The following PRKAG2 variants were observed in gnomAD, a reference collection of about 807,000 sequenced individuals.
PRKAG2 encodes 5'-AMP-activated protein kinase subunit gamma-2.
PRKAG2 carries 26 observed loss-of-function variants against 69.6 expected under a neutral mutation model. The observed-to-expected ratio is 0.37, with a 90% CI of 0.27 to 0.52. PRKAG2 has a LOEUF of 0.52. PRKAG2 is among the 20% of genes least tolerant of loss of function. PRKAG2 has a pLI of 0.90. For missense variants in PRKAG2, 557 were observed against 740.0 expected (o/e 0.75, Z 2.87); for synonymous variants, 293 against 285.0 (o/e 1.03, Z -0.28).
intron 1 of PRKAG2, among the ~76,000 whole-genome samples, chr7:151,845,113 C>G (rs760304626): frequency 6.6e-6 from 1 of 151,716 alleles, no homozygotes; most frequent in East Asian, 1.9e-4. Context: ...CACATCTCAA[C>G]CCCACAGTTC....
chr7:151,591,914 T>C (rs73727863), intron 6 of PRKAG2, among the ~76,000 whole-genome samples: 5,629 of 152,112 alleles, frequency 0.037, 338 homozygotes, highest in African/African-American at 0.13. Context: ...ACCAGGCCCT[T>C]ATAGAGACCA....
At chr7:151,741,467 C>G (rs970831923) in intron 3 of PRKAG2, among the ~76,000 whole-genome samples, 2 of 152,076 alleles carry the variant, frequency 1.3e-5, no homozygotes, top group African/African-American at 2.4e-5. Context: ...CACCTGAGGT[C>G]GGGAGTTCAA....
At chr7:151,770,177 C>T (rs1406239008) in intron 3 of PRKAG2, among the ~76,000 whole-genome samples, 11 of 152,256 alleles carry the variant, frequency 7.2e-5, no homozygotes, top group Non-Finnish European at 1.6e-4. Context: ...TTTGCAGGTT[C>T]GACACAACCG....
Position 151,719,282 on chromosome 7 carries a change from A to C in PRKAG2, c.467-43645T>G, listed in dbSNP as rs933193024. 6.6e-6 allele frequency among the ~76,000 whole-genome samples: 1 copy of C among 152,060 alleles called. No homozygotes were observed. Among genetic ancestry groups the C allele is most frequent in the African/African-American group, 2.4e-5 (1 of 41,404 alleles). On this transcript the variant is annotated intron_variant, in intron 3 of 15. Transcript: ENST00000287878. The surrounding 1 kb of genome is among the most constrained non-coding windows in gnomAD (Gnocchi z 5.2). ...CCCCGGCACGCTCAGCCCTGGTCCA[A>C]CTTATCATACAAGTTCTTGGGCAAG... is the stretch of plus-strand genomic sequence containing the variant.
intron 3 of PRKAG2, among the ~76,000 whole-genome samples, chr7:151,754,019 G>A (rs1181826481): frequency 2.6e-5 from 4 of 151,952 alleles, no homozygotes; most frequent in South Asian, 2.1e-4. Flanking sequence ...ACCGCATCTC[G>A]AAAAAAAGAA....
intron 3 of PRKAG2, among the ~76,000 whole-genome samples, chr7:151,761,281 G>A (rs908081873): frequency 6.6e-6 from 1 of 152,194 alleles, no homozygotes; most frequent in Non-Finnish European, 1.5e-5. Context: ...GATTGAGAGA[G>A]GCCTGAATTC....
rs1348029131 is a variant in PRKAG2, at chr7:151,808,607, C to A, written c.115-22066G>T. ...TGCAGGTTGTTGGGGGGGCTTGAGGCTATCCGCTGACATCTTTTCTCCCCA... is the reference window on the plus strand; with the variant it reads ...TGCAGGTTGTTGGGGGGGCTTGAGGATATCCGCTGACATCTTTTCTCCCCA... On this transcript the variant is annotated intron_variant, in intron 1 of 15. Transcript: ENST00000287878. Among the ~76,000 whole-genome samples, 3 of 152,020 alleles carry A rather than the reference C, an allele frequency of 2.0e-5. No individual in the cohort carries two copies. In the South Asian group the frequency reaches 6.2e-4, roughly 31 times the overall value.
intron 15 of PRKAG2, chr7:151,559,572 G>C: frequency 1.0e-6 from 1 of 985,016 alleles, no homozygotes; most frequent in Non-Finnish European, 1.2e-6. Context: ...AATTTCTCTT[G>C]GTGTTCTCAT....
intron 3 of PRKAG2, among the ~76,000 whole-genome samples, chr7:151,717,282 G>A (rs1437459655): frequency 1.3e-5 from 2 of 151,610 alleles, no homozygotes; most frequent in Non-Finnish European, 2.9e-5. Context: ...GAAAGAGGTT[G>A]CCTTCATAAA....
intron 7 of PRKAG2, among the ~76,000 whole-genome samples, chr7:151,575,172 G>A (rs982370813): frequency 2.0e-5 from 3 of 152,186 alleles, no homozygotes; most frequent in South Asian, 2.1e-4. Context: ...TAAGTACTAC[G>A]GAACTAACCA....
rs1471327359 is a variant in PRKAG2, at chr7:151,568,761, A to T, written c.1188T>A (p.Leu396=). The change falls in exon 11 of 16, where the codon CTT becomes CTA. Residue 396 remains leucine (L), a synonymous_variant. Coordinates refer to ENST00000287878, the MANE Select transcript of PRKAG2 (RefSeq NM_016203.4). ...GGATTCTTTTGTGGGTAAGTATATA[A>T]AGTGCATTCCCACTGATAGGGTCAA... ...PVIDPISGNA[L]YILTHKRILK... The T allele has an allele frequency of 6.2e-7, 1 of 1,614,072 alleles. No individual in the cohort carries two copies. The highest frequency in any genetic ancestry group is 1.1e-5 in the South Asian group (1 of 91,088).
intron 6 of PRKAG2, among the ~76,000 whole-genome samples, chr7:151,581,553 C>T (rs1810473393): frequency 6.6e-6 from 1 of 152,078 alleles, no homozygotes; most frequent in African/African-American, 2.4e-5. Flanking sequence ...TGGACATCTA[C>T]ACACAAAAAT....
At chr7:151,561,925 T>C (rs1265771936) in intron 14 of PRKAG2, among the ~76,000 whole-genome samples, 1 of 115,112 alleles carries the variant, frequency 8.7e-6, no homozygotes, top group African/African-American at 3.8e-5. Flanking sequence ...AGAGCGAGAC[T>C]GTGTCTTAAA....
intron 6 of PRKAG2, among the ~76,000 whole-genome samples, chr7:151,592,688 T>C (rs570679715): frequency 6.6e-6 from 1 of 152,316 alleles, no homozygotes; most frequent in African/African-American, 2.4e-5. Flanking sequence ...TCCTAATCAA[T>C]GAATCAATGA....
At chr7:151,863,832 G>A (rs2079994751) in intron 1 of PRKAG2, among the ~76,000 whole-genome samples, 1 of 151,588 alleles carries the variant, frequency 6.6e-6, no homozygotes, top group African/African-American at 2.4e-5. Context: ...GATCGCTTGA[G>A]CTCAGGAGTT....
At chr7:151,772,164 G>A (rs1324392565) in intron 3 of PRKAG2, among the ~76,000 whole-genome samples, 1 of 152,220 alleles carries the variant, frequency 6.6e-6, no homozygotes, top group East Asian at 1.9e-4. Flanking sequence ...GGTGTCAAAG[G>A]AAGGCCTTTC....
intron 3 of PRKAG2, among the ~76,000 whole-genome samples, chr7:151,710,982 AT>A (rs1795206031): frequency 6.6e-6 from 1 of 152,082 alleles, no homozygotes; most frequent in African/African-American, 2.4e-5. Flanking sequence ...GCCCTAGAGT[AT>A]TGCGAGTGCT....
intron 1 of PRKAG2, among the ~76,000 whole-genome samples, chr7:151,841,685 TGATGGTAGTGATGGTAGGTGGG>T (rs1357637297): frequency 0.035 from 2,052 of 58,184 alleles, 79 homozygotes; most frequent in East Asian, 0.14. Flanking sequence ...GGGATGGTAG[TGATGGTAGTGATGGTAGGTGGG>T]GATGGTAGTG....
chr7:151,792,320 A>T (rs561838504), intron 1 of PRKAG2, among the ~76,000 whole-genome samples: 6 of 152,328 alleles, frequency 3.9e-5, no homozygotes, highest in African/African-American at 1.4e-4. Flanking sequence ...AAGTCTAAAA[A>T]ATCCCACCAC....
Sources: allele counts gnomAD v4.1 joint callset (sites outside exome capture counted in the v4.1 genomes callset), GRCh38; gene constraint gnomAD v4.1.1; non-coding constraint Gnocchi (gnomAD v3.1); transcripts MANE v1.5; gene names NCBI Gene and HGNC (gene_info 2026-07-23, HGNC 2026-07-21).